SMAD7: variants seen among roughly 807,000 people sequenced by gnomAD.
SMAD7 encodes SMAD family member 7, also known as MAD (mothers against decapentaplegic, Drosophila) homolog 7.
SMAD7 carries 8 observed loss-of-function variants against 38.7 expected under a neutral mutation model. That is an observed-to-expected ratio of 0.21 (90% CI 0.12 to 0.37). SMAD7 has a LOEUF of 0.37. Ranked by LOEUF, SMAD7 falls within the 10% of genes least tolerant of loss-of-function variation. SMAD7 has a pLI of 1.00. For synonymous variants in SMAD7, 327 were observed against 265.1 expected (o/e 1.23, Z -2.27); for missense variants, 477 against 577.9 (o/e 0.83, Z 1.79).
rs558503365 is a variant in SMAD7, at chr18:48,921,986, C to A, written c.743-76G>T. 5 of 1,133,360 alleles carry A rather than the reference C, an allele frequency of 4.4e-6. No homozygotes were observed. Among genetic ancestry groups the A allele is most frequent in the South Asian group, 1.5e-5 (1 of 66,080 alleles). 70.2% of individuals were successfully genotyped at this position (1,133,360 alleles called of 1,614,324 possible). Reference sequence around the variant, plus strand: ...CCTAGAATGAAGACACCCGCCCCCCCACTGCACCCAGTCACCAGCTCATCT... The same window carrying A: ...CCTAGAATGAAGACACCCGCCCCCCAACTGCACCCAGTCACCAGCTCATCT... On this transcript the variant is annotated intron_variant, in intron 3 of 3. Transcript: ENST00000262158. The surrounding 1 kb of genome is among the most constrained non-coding windows in gnomAD (Gnocchi z 6.4).
intron 3 of SMAD7, among the ~76,000 whole-genome samples, chr18:48,923,659 G>C (rs1474760853): frequency 6.6e-6 from 1 of 152,118 alleles, no homozygotes; most frequent in Non-Finnish European, 1.5e-5. Context: ...TCCACAAAAA[G>C]GGGACACTGA....
At chr18:48,932,025 G>A (rs1248510399) in intron 3 of SMAD7, among the ~76,000 whole-genome samples, 1 of 152,168 alleles carries the variant, frequency 6.6e-6, no homozygotes, top group East Asian at 1.9e-4. Flanking sequence ...GCAGGAGATG[G>A]GGCCCATCTA....
At chr18:48,946,430 C>CAGGGG (rs541685642) in intron 2 of SMAD7, among the ~76,000 whole-genome samples, 1 of 145,904 alleles carries the variant, frequency 6.9e-6, no homozygotes, top group Non-Finnish European at 1.5e-5. Context: ...GTGAGGGGGG[C>CAGGGG]GGGGGGGGTG....
chr18:48,930,409 A>G (rs1320580759), intron 3 of SMAD7, among the ~76,000 whole-genome samples: 2 of 151,926 alleles, frequency 1.3e-5, no homozygotes, highest in Non-Finnish European at 2.9e-5. Flanking sequence ...GGTCAAGGGA[A>G]TAAAAGAAGA....
intron 3 of SMAD7, among the ~76,000 whole-genome samples, chr18:48,934,509 G>A (rs989777070): frequency 3.6e-4 from 55 of 152,032 alleles, no homozygotes; most frequent in Non-Finnish European, 7.4e-5. Context: ...ATGACACTGG[G>A]TGGGGCTCAG....
At chr18:48,927,648 T>C (rs2143767679) in intron 3 of SMAD7, among the ~76,000 whole-genome samples, 1 of 152,310 alleles carries the variant, frequency 6.6e-6, no homozygotes, top group Admixed American at 6.5e-5. Flanking sequence ...CAAAAGTGAT[T>C]GGGGCCAGCT....
chr18:48,924,726 C>G (rs193053095), intron 3 of SMAD7, among the ~76,000 whole-genome samples: 1 of 152,128 alleles, frequency 6.6e-6, no homozygotes, highest in Non-Finnish European at 1.5e-5. Context: ...CCAGCTCCCC[C>G]ACCAGCAGCC....
intron 3 of SMAD7, among the ~76,000 whole-genome samples, chr18:48,930,341 C>A (rs561613502): frequency 6.2e-4 from 95 of 152,274 alleles, no homozygotes; most frequent in African/African-American, 2.2e-3. Flanking sequence ...CAGGACCTCC[C>A]AGACCCAAGC....
intron 3 of SMAD7, among the ~76,000 whole-genome samples, chr18:48,936,074 CAA>C (rs2070061184): frequency 1.8e-5 from 2 of 112,760 alleles, no homozygotes; most frequent in Non-Finnish European, 1.8e-5. Flanking sequence ...GACTCCATCT[CAA>C]AACACACACA....
intron 3 of SMAD7, among the ~76,000 whole-genome samples, chr18:48,935,978 C>T (rs749404476): frequency 5.9e-5 from 9 of 151,960 alleles, no homozygotes; most frequent in Non-Finnish European, 1.3e-4. Flanking sequence ...GGGATACTGA[C>T]GCATGAGAAT....
intron 2 of SMAD7, among the ~76,000 whole-genome samples, chr18:48,944,402 A>C (rs2070174649): frequency 1.3e-5 from 2 of 152,258 alleles, no homozygotes; most frequent in Non-Finnish European, 2.9e-5. Context: ...CCAGCTCCAC[A>C]CAGGCAACCA....
intron 3 of SMAD7, among the ~76,000 whole-genome samples, chr18:48,940,577 C>G (rs561184709): frequency 6.6e-6 from 1 of 152,218 alleles, no homozygotes; most frequent in African/African-American, 2.4e-5. Flanking sequence ...ATGGCGAAAC[C>G]CCATCTCTAC....
intron 3 of SMAD7, among the ~76,000 whole-genome samples, chr18:48,936,712 G>C (rs1178668643): frequency 2.0e-5 from 3 of 152,130 alleles, no homozygotes; most frequent in Non-Finnish European, 4.4e-5. Flanking sequence ...TTCAAGGCCT[G>C]GACCGAAGGA....
At chr18:48,922,719 A>G (rs1400597301) in intron 3 of SMAD7, among the ~76,000 whole-genome samples, 2 of 151,900 alleles carry the variant, frequency 1.3e-5, no homozygotes, top group Non-Finnish European at 2.9e-5. Context: ...TCTCAAATAG[A>G]TGCGTCCCCC....
chr18:48,923,633 T>C (rs1463622320), intron 3 of SMAD7, among the ~76,000 whole-genome samples: 2 of 152,142 alleles, frequency 1.3e-5, no homozygotes, highest in Middle Eastern at 3.2e-3. Flanking sequence ...CCTTCCCAAA[T>C]GCCTGCCCCA....
intron 3 of SMAD7, among the ~76,000 whole-genome samples, chr18:48,938,197 A>C (rs2070093603): frequency 6.6e-6 from 1 of 152,188 alleles, no homozygotes; most frequent in South Asian, 2.1e-4. Context: ...TGAGACTATG[A>C]CAGATGCCAG....
rs565260096 is a variant in SMAD7, at chr18:48,949,305, G to A, written c.613+507C>T. The A allele has an allele frequency of 6.1e-6, 6 of 983,894 alleles. No individual in the cohort carries two copies. In the African/African-American group the frequency reaches 8.7e-5, roughly 14 times the overall value. The allele number at this position is 983,894 out of a possible 1,614,324, so 60.9% of individuals were successfully genotyped here. ...CGGCCACGACAGTATCTGGGCCACT[G>A]GTGTTCGACGTGATTCTCCGTATTT... On this transcript the variant is annotated intron_variant, in intron 1 of 3. Coordinates refer to ENST00000262158, the MANE Select transcript of SMAD7 (RefSeq NM_005904.4).
At chr18:48,929,569 T>TCTCTCTCTCTCA (rs3082710) in intron 3 of SMAD7, among the ~76,000 whole-genome samples, 1 of 114,558 alleles carries the variant, frequency 8.7e-6, no homozygotes, top group African/African-American at 3.5e-5. Flanking sequence ...TCTCTCTCTC[T>TCTCTCTCTCTCA]CACTCACACA....
At chr18:48,949,312 G>A in intron 1 of SMAD7, 1 of 982,686 alleles carries the variant, frequency 1.0e-6, no homozygotes, top group Non-Finnish European at 1.2e-6. Flanking sequence ...ACTGGTGTTC[G>A]ACGTGATTCT....
Sources: allele counts gnomAD v4.1 joint callset (sites outside exome capture counted in the v4.1 genomes callset), GRCh38; gene constraint gnomAD v4.1.1; non-coding constraint Gnocchi (gnomAD v3.1); transcripts MANE v1.5; gene names NCBI Gene and HGNC (gene_info 2026-07-23, HGNC 2026-07-21).